The following AGFG1 variants were observed in gnomAD, a reference collection of about 807,000 sequenced individuals.
AGFG1 encodes the protein arf-GAP domain and FG repeat-containing protein 1.
AGFG1 carries 10 observed loss-of-function variants against 60.6 expected under a neutral mutation model. The observed-to-expected ratio is 0.16, with a 90% CI of 0.10 to 0.28. AGFG1 has a LOEUF of 0.28. Among genes scored for constraint, AGFG1 ranks in the 10% least tolerant of loss-of-function variants. The pLI is 1.00. For missense variants in AGFG1, 537 were observed against 676.5 expected (o/e 0.79, Z 2.29); for synonymous variants, 247 against 242.9 (o/e 1.02, Z -0.16).
chr2:227,540,988 T>A (rs1692475830), intron 10 of AGFG1, among the ~76,000 whole-genome samples: 1 of 152,368 alleles, frequency 6.6e-6, no homozygotes, highest in Admixed American at 6.5e-5. Context: ...GCTGCATAAA[T>A]GTTGTCTTTT....
At chr2:227,498,458 T>C (rs530333216) in intron 2 of AGFG1, among the ~76,000 whole-genome samples, 1 of 152,334 alleles carries the variant, frequency 6.6e-6, no homozygotes, top group Non-Finnish European at 1.5e-5. Flanking sequence ...TAAAGCACAC[T>C]ATTGTTATTA....
intron 2 of AGFG1, among the ~76,000 whole-genome samples, chr2:227,494,037 G>GTAAA (rs138782804): frequency 0.054 from 8,226 of 152,256 alleles, 281 homozygotes; most frequent in African/African-American, 0.09. Context: ...TACTAACCTT[G>GTAAA]TAAATGCTTG....
rs1248088363 is a variant in AGFG1, at chr2:227,472,443, A to C, written c.22A>C (p.Lys8Gln). The change falls in exon 1 of 13, where the codon AAG (lysine) becomes CAG (glutamine). Residue 8 changes from lysine (K) to glutamine (Q), a missense_variant. Lys to Gln is a moderately conservative substitution (Grantham distance 53, BLOSUM62 1). Around this residue, in one of 4 missense-constraint regions of AGFG1, gnomAD observed 120 missense variants for 198.5 expected, o/e 0.60. Coordinates refer to ENST00000310078, the MANE Select transcript of AGFG1 (RefSeq NM_004504.5). ...GGCCATGGCGGCCAGCGCGAAGCGG[A>C]AGCAGGAGGAGAAGCACCTGAAGAT... Reference protein sequence around the residue: MAASAKRKQEEKHLKMLR... With the variant: MAASAKRQQEEKHLKMLR... The C allele has an allele frequency of 6.5e-7, 1 of 1,540,400 alleles. No homozygotes were observed. Among genetic ancestry groups the C allele is most frequent in the African/African-American group, 1.4e-5 (1 of 69,908 alleles).
At chr2:227,533,399 C>G (rs1692218265) in intron 6 of AGFG1, 150 bp from the exon 7 acceptor site, 1 of 720,798 alleles carries the variant, frequency 1.4e-6, no homozygotes, top group African/African-American at 1.8e-5. Flanking sequence ...GAAAACGTCA[C>G]TTGTAGTCAA....
intron 3 of AGFG1, 126 bp from the exon 4 acceptor site, chr2:227,523,633 CTGTG>C: frequency 3.7e-6 from 3 of 803,842 alleles, no homozygotes; most frequent in Non-Finnish European, 5.6e-6. Flanking sequence ...CAAAGTTATT[CTGTG>C]TGAGAGGGTT....
At position 227,553,813 on chromosome 2, in the gene AGFG1, T is replaced by G. The variant is rs776601901; in HGVS notation, c.1629+18T>G. The G allele has an allele frequency of 6.5e-7, 1 of 1,541,006 alleles. No individual in the cohort carries two copies. Among genetic ancestry groups the G allele is most frequent in the Non-Finnish European group, 8.9e-7 (1 of 1,117,382 alleles). On this transcript the variant is annotated intron_variant, in intron 12 of 12. Coordinates refer to ENST00000310078, the MANE Select transcript of AGFG1 (RefSeq NM_004504.5). Reference sequence around the variant, plus strand: ...CTTTTATGGTAAGCAAAATTTAAAATTAAATACTTTATAAGTTGTTAAATC... The same window carrying G: ...CTTTTATGGTAAGCAAAATTTAAAAGTAAATACTTTATAAGTTGTTAAATC...
chr2:227,537,003 A>G lies in AGFG1; in HGVS notation c.1378+10A>G, dbSNP rs936238732. On this transcript the variant is annotated intron_variant, in intron 10 of 12. Coordinates refer to ENST00000310078, the MANE Select transcript of AGFG1 (RefSeq NM_004504.5). The stretch of plus-strand genomic sequence containing the variant: ...GCCAGAGGAGCAACAGGTAAGAAAA[A>G]GAGACAGTGGAACAGTAAGTTTTGG... The G allele has an allele frequency of 6.2e-7, 1 of 1,608,670 alleles. No individual in the cohort carries two copies. Among genetic ancestry groups the G allele is most frequent in the Non-Finnish European group, 8.5e-7 (1 of 1,176,338 alleles).
intron 2 of AGFG1, chr2:227,508,705 T>C (rs1345657156): frequency 4.5e-6 from 2 of 443,384 alleles, no homozygotes; most frequent in East Asian, 1.4e-4. Flanking sequence ...TTTTTTTCTT[T>C]TTAGGAAATA....
At chr2:227,477,592 A>G (rs1220214891) in intron 1 of AGFG1, among the ~76,000 whole-genome samples, 3 of 152,078 alleles carry the variant, frequency 2.0e-5, no homozygotes, top group Non-Finnish European at 2.9e-5. Context: ...ATGGCAGAAA[A>G]AAGACTTTTT....
chr2:227,514,452 G>A (rs1303655737), intron 2 of AGFG1, among the ~76,000 whole-genome samples: 1 of 152,072 alleles, frequency 6.6e-6, no homozygotes, highest in Non-Finnish European at 1.5e-5. Flanking sequence ...TCCTGACCCC[G>A]CAAAGTGCTG....
At chr2:227,541,192 G>A (rs536110741) in intron 10 of AGFG1, among the ~76,000 whole-genome samples, 27 of 152,076 alleles carry the variant, frequency 1.8e-4, no homozygotes, top group African/African-American at 6.3e-4. Flanking sequence ...GAAGCTCTTT[G>A]GTTTAATTAG....
chr2:227,528,962 C>CT (rs1441507039), intron 5 of AGFG1, among the ~76,000 whole-genome samples: 1 of 152,172 alleles, frequency 6.6e-6, no homozygotes, highest in Non-Finnish European at 1.5e-5. Flanking sequence ...AATGAAATAG[C>CT]TACATGTAGG....
chr2:227,497,395 A>G (rs1209573824), intron 2 of AGFG1, among the ~76,000 whole-genome samples: 1 of 152,014 alleles, frequency 6.6e-6, no homozygotes, highest in African/African-American at 2.4e-5. Flanking sequence ...TGTTTTCCAC[A>G]TGTGCTATCT....
At position 227,551,896 on chromosome 2, in the gene AGFG1, A is replaced by G. The variant is rs949114226; in HGVS notation, c.1379-63A>G. Reference sequence around the variant, plus strand: ...GTAAATGATGTCTTTTTACATTTACAATGTTGTGAGAAACTAAACATATCC... The same window carrying G: ...GTAAATGATGTCTTTTTACATTTACGATGTTGTGAGAAACTAAACATATCC... On this transcript the variant is annotated intron_variant, in intron 10 of 12. Coordinates refer to ENST00000310078, the MANE Select transcript of AGFG1 (RefSeq NM_004504.5). The G allele has an allele frequency of 4.5e-6, 7 of 1,547,092 alleles. No homozygotes were observed. The East Asian group carries it at 1.6e-4, about 35-fold the overall frequency.
intron 10 of AGFG1, among the ~76,000 whole-genome samples, chr2:227,546,846 C>G (rs1202527190): frequency 1.3e-5 from 2 of 152,124 alleles, no homozygotes; most frequent in Non-Finnish European, 2.9e-5. Flanking sequence ...GTCATTATTT[C>G]CTACCATTTA....
At position 227,558,455 on chromosome 2, in the gene AGFG1, GA is replaced by G. The variant is rs759433134; in HGVS notation, c.*3962del. Reference sequence around the variant, plus strand: ...TAACTAGTGGAGCGTGCTTTAGATTGAAGACTCATCTGAAGTATCACAGACT... The same window carrying G: ...TAACTAGTGGAGCGTGCTTTAGATTGAGACTCATCTGAAGTATCACAGACT... On this transcript the variant is annotated 3_prime_UTR_variant, in exon 13 of 13. Transcript: ENST00000310078. 6.6e-5 allele frequency: 10 copies of G among 151,702 alleles called. No homozygotes were observed. Among genetic ancestry groups the G allele is most frequent in the Non-Finnish European group, 1.0e-4 (7 of 67,944 alleles). The allele number at this position is 151,702 out of a possible 1,614,324, so 9.4% of individuals were successfully genotyped here. A position where few individuals can be genotyped will look rare whatever the true frequency, so the allele number is the denominator to read the frequency against.
chr2:227,533,533 G>C lies in AGFG1; in HGVS notation c.815-16G>C. ...AAAGCTTAGAAATTTCAAGTGCTCT[G>C]TTTATTCTGTTACAGGTGGAAGTGC... is the stretch of plus-strand genomic sequence containing the variant. On this transcript the variant is annotated splice_polypyrimidine_tract_variant and intron_variant, in intron 6 of 12. Coordinates refer to ENST00000310078, the MANE Select transcript of AGFG1 (RefSeq NM_004504.5). 2 of 1,611,482 alleles carry C rather than the reference G, an allele frequency of 1.2e-6. No homozygotes were observed. Among genetic ancestry groups the C allele is most frequent in the Middle Eastern group, 1.7e-4 (1 of 6,046 alleles).
At chr2:227,505,856 G>C (rs1175264033) in intron 2 of AGFG1, among the ~76,000 whole-genome samples, 1 of 152,078 alleles carries the variant, frequency 6.6e-6, no homozygotes, top group Non-Finnish European at 1.5e-5. Flanking sequence ...CTCTGCCTCA[G>C]CCTCCCGAGT....
At chr2:227,480,223 C>CAG (rs1690415297) in intron 1 of AGFG1, among the ~76,000 whole-genome samples, 1 of 152,112 alleles carries the variant, frequency 6.6e-6, no homozygotes. Flanking sequence ...TGATCACTGT[C>CAG]ATTGGGTAAT....
Sources: allele counts gnomAD v4.1 joint callset (sites outside exome capture counted in the v4.1 genomes callset), GRCh38; gene constraint gnomAD v4.1.1; regional missense constraint gnomAD v4.1.1; transcripts MANE v1.5; gene names NCBI Gene and HGNC (gene_info 2026-07-23, HGNC 2026-07-21).